Variants in PRKACB observed in about 807,000 individuals in gnomAD.
PRKACB encodes protein kinase cAMP-activated catalytic subunit beta, also known as cAMP-dependent protein kinase catalytic subunit beta.
Under a neutral mutation model 51.4 loss-of-function variants are expected in PRKACB, and 16 were observed. The observed-to-expected ratio is 0.31, with a 90% CI of 0.21 to 0.47. PRKACB has a LOEUF of 0.47. Ranked by LOEUF, PRKACB falls within the 20% of genes least tolerant of loss-of-function variation. The pLI, the probability that PRKACB is intolerant of heterozygous loss-of-function variation, is 1.00. For synonymous variants in PRKACB, 147 were observed against 154.4 expected, an observed-to-expected ratio of 0.95 and a Z score of 0.35; for missense variants, 309 against 464.5, an observed-to-expected ratio of 0.67 and a Z score of 3.08.
At chr1:84,197,646 T>C (rs1384734401) in intron 6 of PRKACB, 83 bp from the exon 7 acceptor site, 1 of 896,374 alleles carries the variant, frequency 1.1e-6, no homozygotes, top group South Asian at 2.1e-5. Context: ...TCAATTTGAA[T>C]TTTAAACTTT....
At chr1:84,171,010 ATTACT>A (rs972438304) in intron 1 of PRKACB, among the ~76,000 whole-genome samples, 6 of 151,734 alleles carry the variant, frequency 4.0e-5, no homozygotes, top group Non-Finnish European at 8.9e-5. Context: ...TCAATTCTTA[ATTACT>A]TAACTACCAC....
At chr1:84,200,916 T>G (rs968715493) in intron 7 of PRKACB, among the ~76,000 whole-genome samples, 8 of 152,218 alleles carry the variant, frequency 5.3e-5, no homozygotes, top group African/African-American at 1.9e-4. Flanking sequence ...ATGGCTTGTT[T>G]GTAAATGTAC....
intron 1 of PRKACB, among the ~76,000 whole-genome samples, chr1:84,117,157 C>T (rs908359654): frequency 1.3e-5 from 2 of 151,848 alleles, no homozygotes; most frequent in Non-Finnish European, 2.9e-5. Flanking sequence ...GGAATGAATC[C>T]CACTTGATTG....
At chr1:84,081,345 CT>C (rs1419502591) in intron 1 of PRKACB, among the ~76,000 whole-genome samples, 1 of 152,146 alleles carries the variant, frequency 6.6e-6, no homozygotes, top group Non-Finnish European at 1.5e-5. Context: ...CCATCTTCAT[CT>C]CCACAGGTTT....
intron 1 of PRKACB, among the ~76,000 whole-genome samples, chr1:84,150,858 T>C (rs1200256262): frequency 6.6e-6 from 1 of 152,196 alleles, no homozygotes; most frequent in Non-Finnish European, 1.5e-5. Flanking sequence ...AATCTGAATG[T>C]GAAAAATATG....
At chr1:84,184,286 T>C in intron 4 of PRKACB, 151 bp downstream of exon 4, 1 of 640,016 alleles carries the variant, frequency 1.6e-6, no homozygotes, top group Non-Finnish European at 2.4e-6. Flanking sequence ...AATCCTATTG[T>C]GCTTATAACT....
intron 8 of PRKACB, 31 bp from the exon 9 acceptor site, chr1:84,214,122 G>A (rs984213410): frequency 4.5e-6 from 7 of 1,567,296 alleles, no homozygotes; most frequent in Non-Finnish European, 5.2e-6. Flanking sequence ...GTCTTAGAAT[G>A]TGTGTTTTAC....
rs1676738873 is a variant in PRKACB at position 84,237,235 on chromosome 1, T to C, written c.*1930T>C. 6.6e-6 allele frequency: 1 copy of C among 152,618 alleles called. No homozygotes were observed. The highest frequency in any genetic ancestry group is 1.5e-5 in the Non-Finnish European group (1 of 67,998). The allele number at this position is 152,618 out of a possible 1,614,324, so 9.5% of individuals were successfully genotyped here. On this transcript the variant is annotated 3_prime_UTR_variant, in exon 10 of 10. Coordinates refer to ENST00000370685, the MANE Select transcript of PRKACB (RefSeq NM_182948.4). The stretch of plus-strand genomic sequence containing the variant: ...TAATAAATTTAAAACATCATTCGTA[T>C]AAAATATTTTAATTTTCTTGTATTT...
At chr1:84,193,553 T>C (rs1308635063) in intron 5 of PRKACB, among the ~76,000 whole-genome samples, 2 of 152,196 alleles carry the variant, frequency 1.3e-5, no homozygotes, top group Non-Finnish European at 2.9e-5. Context: ...TGGGACAAAG[T>C]TCATTGGCAC....
chr1:84,201,142 C>G (rs761723081), intron 7 of PRKACB, among the ~76,000 whole-genome samples: 1 of 151,872 alleles, frequency 6.6e-6, no homozygotes, highest in Non-Finnish European at 1.5e-5. Context: ...AATTGCTTTC[C>G]AAAGTTATTA....
intron 5 of PRKACB, among the ~76,000 whole-genome samples, chr1:84,188,942 A>G (rs1245197196): frequency 1.3e-5 from 2 of 152,030 alleles, no homozygotes; most frequent in Admixed American, 6.6e-5. Context: ...AAGACATCAG[A>G]TGTAATACAG....
chr1:84,102,858 C>G (rs962606084), intron 1 of PRKACB, among the ~76,000 whole-genome samples: 3 of 152,188 alleles, frequency 2.0e-5, no homozygotes, highest in Non-Finnish European at 2.9e-5. Flanking sequence ...CCCAACTGGA[C>G]TTTAGAATTG....
intron 1 of PRKACB, among the ~76,000 whole-genome samples, chr1:84,160,559 A>T (rs1656053458): frequency 6.8e-6 from 1 of 147,532 alleles, no homozygotes; most frequent in Non-Finnish European, 1.5e-5. Flanking sequence ...TATTATATAT[A>T]ATATAATACT....
chr1:84,085,691 T>A, intron 1 of PRKACB: 1 of 192,178 alleles, frequency 5.2e-6, no homozygotes, highest in African/African-American at 2.3e-5. Context: ...AGTGCCCTTG[T>A]CAGGCAGGGA....
chr1:84,110,499 C>T (rs1370475717), intron 1 of PRKACB, among the ~76,000 whole-genome samples: 4 of 151,768 alleles, frequency 2.6e-5, no homozygotes, highest in Non-Finnish European at 4.4e-5. Context: ...CCCTTCAAAA[C>T]CAAACTTTTT....
At chr1:84,156,117 T>C (rs983436442) in intron 1 of PRKACB, among the ~76,000 whole-genome samples, 2 of 152,086 alleles carry the variant, frequency 1.3e-5, no homozygotes, top group African/African-American at 4.8e-5. Flanking sequence ...GCCTCCCAAG[T>C]AGCTGGGAAT....
intron 1 of PRKACB, among the ~76,000 whole-genome samples, chr1:84,169,369 G>A (rs1658616034): frequency 6.6e-6 from 1 of 151,684 alleles, no homozygotes; most frequent in Non-Finnish European, 1.5e-5. Flanking sequence ...ATTACTGGCT[G>A]AGAGGCAGGA....
chr1:84,136,322 T>C lies in PRKACB; in HGVS notation c.47-42855T>C, dbSNP rs1000461268. Among the ~76,000 whole-genome samples the C allele has an allele frequency of 4.6e-5, 7 of 152,096 alleles. No homozygotes were observed. The South Asian group carries it at 1.0e-3, about 23-fold the overall frequency. ...GTGAAATATACAAAATAAAAATCAG[T>C]TCTAAGATAACAAACAACCCTATTA... On this transcript the variant is annotated intron_variant, in intron 1 of 8. Coordinates refer to the PRKACB transcript ENST00000370688.
chr1:84,232,812 A>G (rs1325888839), intron 9 of PRKACB, among the ~76,000 whole-genome samples: 12 of 152,170 alleles, frequency 7.9e-5, no homozygotes, highest in Middle Eastern at 3.4e-3. Context: ...GTGTCTCTGC[A>G]TGTGAGATGG....
Sources: gnomAD v4.1 joint callset for allele counts (sites outside exome capture counted in the v4.1 genomes callset) on GRCh38, gnomAD v4.1.1 for gene constraint, MANE v1.5 for transcripts, NCBI Gene and HGNC (gene_info 2026-07-23, HGNC 2026-07-21) for gene names.